ENTHD1: variants seen among roughly 807,000 people sequenced by gnomAD.
ENTHD1 encodes ENTH domain containing 1.
A neutral mutation model predicts 39.1 loss-of-function variants in ENTHD1; 23 were observed. The ratio of observed to expected loss-of-function variants is 0.59; its 90% CI spans 0.42 to 0.83. The LOEUF is 0.83. Ranked by LOEUF, ENTHD1 falls within the 40% of genes least tolerant of loss-of-function variation. The pLI is 0.00. For missense variants in ENTHD1, 624 were observed against 705.4 expected, an observed-to-expected ratio of 0.88 and a Z score of 1.31; for synonymous variants, 230 against 258.2, an observed-to-expected ratio of 0.89 and a Z score of 1.05.
At chr22:39,860,318 T>C (rs548152090) in intron 3 of ENTHD1, among the ~76,000 whole-genome samples, 6 of 152,292 alleles carry the variant, frequency 3.9e-5, no homozygotes, top group African/African-American at 1.4e-4. Flanking sequence ...GGGAAGAAAC[T>C]CTGGATGAGT....
intron 5 of ENTHD1, among the ~76,000 whole-genome samples, chr22:39,801,763 G>A (rs1188225835): frequency 6.6e-6 from 1 of 151,964 alleles, no homozygotes; most frequent in Non-Finnish European, 1.5e-5. Context: ...TTTAGTAAGG[G>A]ACTGGGCATG....
chr22:39,839,293 CAG>C (rs1219971348), intron 3 of ENTHD1, among the ~76,000 whole-genome samples: 8 of 152,056 alleles, frequency 5.3e-5, no homozygotes, highest in Non-Finnish European at 2.9e-5. Context: ...TTACAGGAAA[CAG>C]AGAACAATTA....
rs768501802 is a variant in ENTHD1 at position 39,835,917 on chromosome 22, C to G, written c.634G>C (p.Asp212His). Reference protein sequence around the residue: ...KAGLKQEHCQDVHLPTETMLS... With the variant: ...KAGLKQEHCQHVHLPTETMLS... ...ATAGTTTCTGTAGGCAAATGAACAT[C>G]TTGGCAATGCTCTTGTTTCAATCCT... Residue 212 changes from aspartate to histidine, a missense_variant, in exon 4 of 7, where the codon GAT (aspartate) becomes CAT (histidine). Asp to His is a moderately conservative substitution (Grantham distance 81). Coordinates refer to ENST00000325157, the MANE Select transcript of ENTHD1 (RefSeq NM_152512.4). 9 of 1,609,568 alleles carry G rather than the reference C, an allele frequency of 5.6e-6. No individual in the cohort carries two copies. The highest frequency in any genetic ancestry group is 7.6e-6 in the Non-Finnish European group (9 of 1,177,730).
chr22:39,801,808 T>C (rs17001461), intron 5 of ENTHD1, among the ~76,000 whole-genome samples: 1,948 of 148,658 alleles, frequency 0.013, 45 homozygotes, highest in African/African-American at 0.046. Context: ...TTTGTTGTGG[T>C]TTTTTTTTTA....
intron 2 of ENTHD1, among the ~76,000 whole-genome samples, chr22:39,886,562 A>T (rs2066380676): frequency 6.6e-6 from 1 of 152,236 alleles, no homozygotes; most frequent in South Asian, 2.1e-4. Flanking sequence ...AACTGCCCTT[A>T]AAAAAAGGTC....
intron 5 of ENTHD1, among the ~76,000 whole-genome samples, chr22:39,785,577 T>C (rs2065449866): frequency 6.6e-6 from 1 of 152,210 alleles, no homozygotes; most frequent in Admixed American, 6.5e-5. Context: ...TTGGCTAATG[T>C]GGCCATCCAT....
At chr22:39,851,858 A>C (rs1396691074) in intron 3 of ENTHD1, among the ~76,000 whole-genome samples, 1 of 152,228 alleles carries the variant, frequency 6.6e-6, no homozygotes, top group Non-Finnish European at 1.5e-5. Context: ...TTGTGAGGCC[A>C]GTAGTGTCGC....
Position 39,743,687 on chromosome 22 carries a change from G to C in ENTHD1, c.1816C>G (p.Gln606Glu). ...AATAGATATTGTGATGATTAGATCT[G>C]ATCTGAGCTCCCCTCAGAAGACTGG... is the stretch of plus-strand genomic sequence containing the variant. ...VPQSSEGSSD[Q>E]I is the part of the protein sequence containing the mutation. Residue 606 changes from glutamine (Q) to glutamate (E), a missense_variant, in exon 7 of 7, where the codon CAG becomes GAG. Gln to Glu is a conservative substitution (Grantham distance 29, BLOSUM62 2). Transcript: ENST00000325157. 6.2e-7 allele frequency: 1 copy of C among 1,607,456 alleles called. No individual in the cohort carries two copies. Among genetic ancestry groups the C allele is most frequent in the Non-Finnish European group, 8.5e-7 (1 of 1,176,806 alleles).
chr22:39,815,757 A>C (rs1329808616), intron 5 of ENTHD1, among the ~76,000 whole-genome samples: 1 of 152,244 alleles, frequency 6.6e-6, no homozygotes, highest in African/African-American at 2.4e-5. Flanking sequence ...ACAGAAGAAT[A>C]AACAAATGCA....
chr22:39,882,869 G>A (rs1334578227), intron 2 of ENTHD1, among the ~76,000 whole-genome samples: 1 of 151,924 alleles, frequency 6.6e-6, no homozygotes, highest in Non-Finnish European at 1.5e-5. Context: ...AGGGCATGGT[G>A]GCAGGTGCCT....
intron 3 of ENTHD1, among the ~76,000 whole-genome samples, chr22:39,857,989 AT>A (rs1238212125): frequency 6.6e-6 from 1 of 152,080 alleles, no homozygotes; most frequent in Non-Finnish European, 1.5e-5. Context: ...AGCTGTGGCA[AT>A]TTTTTAAAGT....
Position 39,835,948 on chromosome 22 carries a change from G to GCTTGTTT in ENTHD1, c.602_603insAAACAAG (p.Cys201Ter). ...AATGCTCTTGTTTCAATCCTGCCTT[G>GCTTGTTT]CACACATTTCCTGTCAACAATATAA... is the stretch of plus-strand genomic sequence containing the variant. On this transcript the variant is annotated stop_gained and frameshift_variant, in exon 4 of 7. Transcript: ENST00000325157. LOFTEE classifies it high-confidence loss of function. 6.2e-7 allele frequency: 1 copy of GCTTGTTT among 1,602,530 alleles called. No individual in the cohort carries two copies. The highest frequency in any genetic ancestry group is 1.1e-5 in the South Asian group (1 of 88,840).
In ENTHD1 at chr22:39,762,196, C is replaced by T. The variant is rs145193771; in HGVS notation, c.1219+3027G>A. ...TCAGACTCGCTGGGGTCCCCCTATA[C>T]GTATAGTTTAGTGGTCGGTCAAGAA... is the stretch of plus-strand genomic sequence containing the variant. On this transcript the variant is annotated intron_variant, in intron 6 of 6. Transcript: ENST00000325157. Among the ~76,000 whole-genome samples the T allele has an allele frequency of 1.7e-4, 26 of 152,190 alleles. 1 individual carries two copies. The East Asian group carries it at 4.8e-3, about 28-fold the overall frequency.
At chr22:39,806,386 G>A (rs934314938) in intron 5 of ENTHD1, among the ~76,000 whole-genome samples, 5 of 152,186 alleles carry the variant, frequency 3.3e-5, no homozygotes, top group Admixed American at 1.3e-4. Flanking sequence ...GGGGAACCTC[G>A]CTGGTGAGCT....
chr22:39,850,134 A>C (rs1003792679), intron 3 of ENTHD1, among the ~76,000 whole-genome samples: 7 of 152,212 alleles, frequency 4.6e-5, no homozygotes, highest in African/African-American at 1.7e-4. Flanking sequence ...ATATTAAAAA[A>C]AGTTTCATGT....
intron 6 of ENTHD1, among the ~76,000 whole-genome samples, chr22:39,748,427 C>CT (rs113986555): frequency 0.012 from 1,802 of 146,530 alleles, 23 homozygotes; most frequent in African/African-American, 0.037. Flanking sequence ...ATTTTCTTTT[C>CT]TTTTTTTTTT....
intron 3 of ENTHD1, among the ~76,000 whole-genome samples, chr22:39,852,348 C>CA (rs913534997): frequency 3.3e-5 from 5 of 151,884 alleles, no homozygotes; most frequent in Non-Finnish European, 7.4e-5. Context: ...GCCTGTCTCA[C>CA]AAAAAAGATG....
At chr22:39,810,384 C>T (rs1342386917) in intron 5 of ENTHD1, among the ~76,000 whole-genome samples, 1 of 152,170 alleles carries the variant, frequency 6.6e-6, no homozygotes, top group Admixed American at 6.5e-5. Context: ...AACCACAGAC[C>T]TACCTCTAGT....
intron 2 of ENTHD1, among the ~76,000 whole-genome samples, chr22:39,868,386 G>A (rs916309269): frequency 1.3e-5 from 2 of 149,396 alleles, no homozygotes; most frequent in African/African-American, 4.9e-5. Flanking sequence ...ATGAACATGA[G>A]TGGTTGTGGG....
Sources: gnomAD v4.1 joint callset for allele counts (sites outside exome capture counted in the v4.1 genomes callset) on GRCh38, gnomAD v4.1.1 for gene constraint, MANE v1.5 for transcripts, NCBI Gene and HGNC (gene_info 2026-07-23, HGNC 2026-07-21) for gene names.